Variants in DHX15 observed in about 807,000 individuals in gnomAD.
The protein encoded by DHX15 is ATP-dependent RNA helicase DHX15.
A neutral mutation model predicts 94.4 loss-of-function variants in DHX15; 11 were observed. The ratio of observed to expected loss-of-function variants is 0.12; its 90% CI spans 0.07 to 0.19. The LOEUF is 0.19. Ranked by LOEUF, DHX15 falls within the 10% of genes least tolerant of loss-of-function variation. DHX15 has a pLI of 1.00. For synonymous variants in DHX15, 338 were observed against 329.9 expected, an observed-to-expected ratio of 1.02 and a Z score of -0.27; for missense variants, 304 against 988.5, an observed-to-expected ratio of 0.31 and a Z score of 9.29.
rs1721277145 is a variant in DHX15, at chr4:24,540,016, T to C, written c.1786+92A>G. 3.3e-6 allele frequency: 3 copies of C among 914,272 alleles called. No individual in the cohort carries two copies. The African/African-American group carries it at 5.1e-5, about 16-fold the overall frequency. The allele number at this position is 914,272 out of a possible 1,614,324, so 56.6% of individuals were successfully genotyped here. Reference sequence around the variant, plus strand: ...CCTTAAAACCATCTATAAAATCCACTATCATACTAAAAATTAAAAAACAAA... The same window carrying C: ...CCTTAAAACCATCTATAAAATCCACCATCATACTAAAAATTAAAAAACAAA... On this transcript the variant is annotated intron_variant, in intron 10 of 13. Transcript: ENST00000336812.
At chr4:24,529,231 T>G (rs910434718) in intron 13 of DHX15, among the ~76,000 whole-genome samples, 6 of 152,072 alleles carry the variant, frequency 3.9e-5, no homozygotes, top group East Asian at 1.9e-4. Flanking sequence ...TAGAGATGGA[T>G]TCTGGCTATA....
In DHX15 at chr4:24,557,660, G is replaced by A. The variant is rs554139731; in HGVS notation, c.702-1250C>T. 3.9e-5 allele frequency among the ~76,000 whole-genome samples: 6 copies of A among 152,104 alleles called. No individual in the cohort carries two copies. The South Asian group carries it at 1.2e-3, about 32-fold the overall frequency. ...TTAAAAATAAACTACCACATTCCTG[G>A]GAGGGACAAACAGCATTAGCTATAA... is the stretch of plus-strand genomic sequence containing the variant. On this transcript the variant is annotated intron_variant, in intron 3 of 13. Transcript: ENST00000336812.
chr4:24,532,778 T>C (rs891157360), intron 12 of DHX15, 86 bp downstream of exon 12: 1 of 1,042,934 alleles, frequency 9.6e-7, no homozygotes, highest in African/African-American at 1.6e-5. Context: ...AAACTCACTT[T>C]TGCTTTTGAG....
At chr4:24,556,143 T>A in intron 4 of DHX15, 108 bp downstream of exon 4, 1 of 865,546 alleles carries the variant, frequency 1.2e-6, no homozygotes, top group Middle Eastern at 3.7e-4. Flanking sequence ...ACTAGTTCCT[T>A]CTTTTACAGG....
At chr4:24,547,830 AACTT>A (rs1721457639) in intron 6 of DHX15, among the ~76,000 whole-genome samples, 1 of 148,862 alleles carries the variant, frequency 6.7e-6, no homozygotes. Context: ...AGGATGCATT[AACTT>A]ATTATATAAA....
At chr4:24,552,208 T>C (rs1464041525) in intron 5 of DHX15, among the ~76,000 whole-genome samples, 1 of 151,908 alleles carries the variant, frequency 6.6e-6, no homozygotes, top group African/African-American at 2.4e-5. Context: ...AGCCATCTGC[T>C]TAGTCATTAG....
chr4:24,554,016 A>AG (rs1721668699), intron 5 of DHX15, among the ~76,000 whole-genome samples: 1 of 152,064 alleles, frequency 6.6e-6, no homozygotes, highest in African/African-American at 2.4e-5. Context: ...CAGGAGATTG[A>AG]GACCATCCTG....
At chr4:24,573,952 T>C (rs986822811) in intron 2 of DHX15, among the ~76,000 whole-genome samples, 2 of 151,844 alleles carry the variant, frequency 1.3e-5, no homozygotes, top group East Asian at 1.9e-4. Context: ...TCCCAGCACT[T>C]TGGGAGGCCC....
Position 24,584,447 on chromosome 4 carries a change from G to C in DHX15, c.-54C>G, listed in dbSNP as rs1487436578. On this transcript the variant is annotated 5_prime_UTR_variant, in exon 1 of 14. Coordinates refer to ENST00000336812, the MANE Select transcript of DHX15 (RefSeq NM_001358.3). ...AAGGAAGAAAGCTGGCTGCTGTATG[G>C]GCACAGTCGAGGACAGCCACTTAAC... is the stretch of plus-strand genomic sequence containing the variant. 6.4e-7 allele frequency: 1 copy of C among 1,561,216 alleles called. No homozygotes were observed. The highest frequency in any genetic ancestry group is 1.4e-5 in the African/African-American group (1 of 72,888).
intron 10 of DHX15, 28 bp downstream of exon 10, chr4:24,540,080 C>CTT: frequency 7.0e-7 from 1 of 1,438,054 alleles, no homozygotes; most frequent in Non-Finnish European, 9.2e-7. Flanking sequence ...AAGAGCTGGG[C>CTT]TTTTTTTTGT....
At chr4:24,562,158 T>C (rs1265034255) in intron 3 of DHX15, among the ~76,000 whole-genome samples, 2 of 134,730 alleles carry the variant, frequency 1.5e-5, no homozygotes, top group Admixed American at 7.5e-5. Flanking sequence ...AAAAAAAATC[T>C]GTACACCAAA....
intron 8 of DHX15, among the ~76,000 whole-genome samples, chr4:24,541,578 G>A (rs889362100): frequency 6.6e-6 from 1 of 152,010 alleles, no homozygotes; most frequent in African/African-American, 2.4e-5. Context: ...AAGAAAGAAT[G>A]CATCTTCTAT....
intron 4 of DHX15, among the ~76,000 whole-genome samples, chr4:24,555,559 C>CTTGT (rs200546342): frequency 6.6e-5 from 10 of 151,954 alleles, no homozygotes; most frequent in Admixed American, 5.9e-4. Flanking sequence ...GTGTTGAACC[C>CTTGT]TTGTTTGTTT....
At position 24,580,117 on chromosome 4, in the gene DHX15, T is replaced by C. The variant is rs142667502; in HGVS notation, c.72-3439A>G. Among the ~76,000 whole-genome samples, 1,294 of 152,326 alleles carry C rather than the reference T, an allele frequency of 8.5e-3. 23 individuals are homozygous for C. Among genetic ancestry groups the C allele is most frequent in the African/African-American group, 0.029 (1,198 of 41,574 alleles). ...AAGTTCTAATACCATGTTAAAATTCTACATGGAGGGCAAGACCTAGTGACT... is the reference window on the plus strand; with the variant it reads ...AAGTTCTAATACCATGTTAAAATTCCACATGGAGGGCAAGACCTAGTGACT... On this transcript the variant is annotated intron_variant, in intron 1 of 13. Coordinates refer to ENST00000336812, the MANE Select transcript of DHX15 (RefSeq NM_001358.3).
At chr4:24,538,408 T>A (rs1721236330) in intron 10 of DHX15, 1 of 152,210 alleles carries the variant, frequency 6.6e-6, no homozygotes, top group Admixed American at 6.5e-5. Context: ...GCAAGGTAAT[T>A]CATAAAAGCA....
At chr4:24,583,508 T>TG (rs1338181617) in intron 1 of DHX15, among the ~76,000 whole-genome samples, 1 of 150,560 alleles carries the variant, frequency 6.6e-6, no homozygotes, top group African/African-American at 2.4e-5. Context: ...TCCCTCCCCA[T>TG]GGGACGATGT....
chr4:24,537,830 G>C lies in DHX15; in HGVS notation c.1787-657C>G, dbSNP rs1188902962. The C allele has an allele frequency of 6.6e-6, 1 of 151,988 alleles. No individual in the cohort carries two copies. Among genetic ancestry groups the C allele is most frequent in the African/African-American group, 2.4e-5 (1 of 41,370 alleles). The allele number at this position is 151,988 out of a possible 1,614,324, so 9.4% of individuals were successfully genotyped here. The stretch of plus-strand genomic sequence containing the variant: ...GAATTAAGAAAATTCAAAAAGGCTG[G>C]GATATTCAGCCTAGTGTTTCAGCAT... On this transcript the variant is annotated intron_variant, in intron 10 of 13. Transcript: ENST00000336812. The surrounding 1 kb of genome is among the most constrained non-coding windows in gnomAD (Gnocchi z 4.7).
rs771498073 is a variant in DHX15 at position 24,584,416 on chromosome 4, G to A, written c.-23C>T. 16 of 1,607,734 alleles carry A rather than the reference G, an allele frequency of 1.0e-5. No individual in the cohort carries two copies. In the African/African-American group the frequency reaches 1.8e-4, roughly 18 times the overall value. ...CATCCTCGCACTCTTCGAACGGGCA[G>A]TTATTAAGGAAGAAAGCTGGCTGCT... is the stretch of plus-strand genomic sequence containing the variant. On this transcript the variant is annotated 5_prime_UTR_variant, in exon 1 of 14. Coordinates refer to ENST00000336812, the MANE Select transcript of DHX15 (RefSeq NM_001358.3).
intron 5 of DHX15, among the ~76,000 whole-genome samples, chr4:24,550,118 A>AAAAAAAAAAAAC (rs1560766877): frequency 1.4e-5 from 2 of 145,276 alleles, no homozygotes; most frequent in African/African-American, 2.6e-5. Context: ...AAAAAAAAAA[A>AAAAAAAAAAAAC]AAAAACGGTA....
Sources: gnomAD v4.1 joint callset for allele counts (sites outside exome capture counted in the v4.1 genomes callset) on GRCh38, gnomAD v4.1.1 for gene constraint, Gnocchi (gnomAD v3.1) non-coding constraint, MANE v1.5 for transcripts, NCBI Gene and HGNC (gene_info 2026-07-23, HGNC 2026-07-21) for gene names.